The following ENOX1 variants were observed in gnomAD, a reference collection of about 807,000 sequenced individuals.
ENOX1 encodes the protein candidate growth-related and time keeping constitutive hydroquinone (NADH) oxidase.
In ENOX1, 42 loss-of-function variants were observed where a neutral mutation model predicts 82.5. The ratio of observed to expected loss-of-function variants is 0.51; its 90% confidence interval spans 0.40 to 0.66. The LOEUF (loss-of-function observed/expected upper bound fraction) is 0.66, where lower values mean the gene tolerates loss of function less well. Among genes scored for constraint, ENOX1 ranks in the 30% least tolerant of loss-of-function variants. The probability of loss-of-function intolerance (pLI) is 0.00; values close to 1 mark genes in which losing one functional copy is unlikely to be tolerated. For synonymous variants in ENOX1, 271 were observed against 282.2 expected (o/e 0.96, Z 0.40); for missense variants, 608 against 811.6 (o/e 0.75, Z 3.05).
intron 1 of ENOX1, among the ~76,000 whole-genome samples, chr13:43,761,214 A>G (rs1475845792): frequency 6.6e-6 from 1 of 152,196 alleles, no homozygotes; most frequent in African/African-American, 2.4e-5. Flanking sequence ...GTATAGAAAA[A>G]TTGAGGCAAG....
intron 1 of ENOX1, among the ~76,000 whole-genome samples, chr13:43,676,995 G>C (rs2085541394): frequency 6.7e-6 from 1 of 149,892 alleles, no homozygotes; most frequent in Non-Finnish European, 1.5e-5. Flanking sequence ...ACTCAAGTGG[G>C]TCACCCTCTG....
intron 3 of ENOX1, among the ~76,000 whole-genome samples, chr13:43,428,842 C>T (rs966868797): frequency 6.6e-6 from 1 of 152,112 alleles, no homozygotes; most frequent in Non-Finnish European, 1.5e-5. Context: ...CTGGATAAAC[C>T]AGAAAACCCA....
chr13:43,305,151 A>C (rs1175831589), intron 11 of ENOX1, among the ~76,000 whole-genome samples: 1 of 152,168 alleles, frequency 6.6e-6, no homozygotes, highest in African/African-American at 2.4e-5. Flanking sequence ...GGCCAGGCAC[A>C]GAGCTGGAAA....
intron 12 of ENOX1, among the ~76,000 whole-genome samples, chr13:43,291,443 T>G (rs2045994427): frequency 6.6e-6 from 1 of 152,212 alleles, no homozygotes; most frequent in Admixed American, 6.5e-5. Context: ...TTGTCTTCCT[T>G]TCTCACTTTC....
chr13:43,640,296 G>A (rs2083581138), intron 2 of ENOX1, among the ~76,000 whole-genome samples: 1 of 152,088 alleles, frequency 6.6e-6, no homozygotes, highest in South Asian at 2.1e-4. Flanking sequence ...TAATTCCACT[G>A]CTCCTCAATT....
chr13:43,586,458 CAA>C (rs961072409), intron 2 of ENOX1, among the ~76,000 whole-genome samples: 2 of 152,162 alleles, frequency 1.3e-5, no homozygotes, highest in African/African-American at 2.4e-5. Context: ...CTCTAACTGA[CAA>C]ACCCCTAAAT....
intron 2 of ENOX1, among the ~76,000 whole-genome samples, chr13:43,613,034 C>A (rs1038194840): frequency 3.9e-5 from 6 of 152,056 alleles, no homozygotes; most frequent in African/African-American, 1.4e-4. Context: ...TTAGCCATTT[C>A]ACATTGTATA....
chr13:43,437,082 C>A (rs998090997), intron 3 of ENOX1, among the ~76,000 whole-genome samples: 19 of 151,984 alleles, frequency 1.3e-4, no homozygotes, highest in African/African-American at 4.4e-4. Context: ...AAAAAACATA[C>A]CAAAGGGATG....
intron 1 of ENOX1, among the ~76,000 whole-genome samples, chr13:43,766,484 C>T (rs920802543): frequency 1.3e-5 from 2 of 152,196 alleles, no homozygotes; most frequent in East Asian, 1.9e-4. Context: ...ATCCTAGCCA[C>T]GCACTCAAGC....
At chr13:43,755,455 C>G (rs915172850) in intron 1 of ENOX1, among the ~76,000 whole-genome samples, 2 of 152,164 alleles carry the variant, frequency 1.3e-5, no homozygotes, top group Admixed American at 1.3e-4. Context: ...CCGTGAAGCT[C>G]TAACACCTCT....
At chr13:43,492,992 A>T (rs1330321180) in intron 2 of ENOX1, among the ~76,000 whole-genome samples, 1 of 152,216 alleles carries the variant, frequency 6.6e-6, no homozygotes, top group Non-Finnish European at 1.5e-5. Context: ...AGGTCCCCCA[A>T]GAAAGGGAAT....
chr13:43,490,455 T>C (rs1555298521), intron 2 of ENOX1, among the ~76,000 whole-genome samples: 2 of 152,254 alleles, frequency 1.3e-5, no homozygotes, highest in East Asian at 1.9e-4. Flanking sequence ...TGAGAGGACA[T>C]AAATTTGGGA....
chr13:43,464,527 T>G (rs2057634638), intron 3 of ENOX1, among the ~76,000 whole-genome samples: 2 of 152,142 alleles, frequency 1.3e-5, no homozygotes, highest in South Asian at 4.1e-4. Flanking sequence ...CCACAAGAGC[T>G]TTGCCAATAT....
At chr13:43,507,710 C>T (rs766782499) in intron 2 of ENOX1, among the ~76,000 whole-genome samples, 11 of 151,954 alleles carry the variant, frequency 7.2e-5, no homozygotes, top group Non-Finnish European at 1.6e-4. Flanking sequence ...GGCAAGATGC[C>T]TGTGTACCAG....
At chr13:43,258,729 C>T (rs1047128011) in intron 14 of ENOX1, among the ~76,000 whole-genome samples, 4 of 152,050 alleles carry the variant, frequency 2.6e-5, no homozygotes, top group East Asian at 3.9e-4. Context: ...TTCTGGAGGC[C>T]GTAAAGTTCT....
intron 8 of ENOX1, among the ~76,000 whole-genome samples, chr13:43,350,894 C>T (rs1196159695): frequency 6.6e-6 from 1 of 152,112 alleles, no homozygotes; most frequent in Non-Finnish European, 1.5e-5. Flanking sequence ...TATAAAGGAA[C>T]AATGAGGAGA....
At position 43,588,513 on chromosome 13, in the gene ENOX1, T is replaced by G. The variant is rs553518402; in HGVS notation, c.-219+78966A>C. Among the ~76,000 whole-genome samples, 14 of 152,342 alleles carry G rather than the reference T, an allele frequency of 9.2e-5. No individual in the cohort carries two copies. In the East Asian group the frequency reaches 2.1e-3, roughly 23 times the overall value. ...AAGATTAAAATACAACCCTGTAATG[T>G]GGACCAGTATGATCTCTAAAATACA... On this transcript the variant is annotated intron_variant, in intron 2 of 16. Coordinates refer to ENST00000690772, the MANE Select transcript of ENOX1 (RefSeq NM_001347969.2).
At chr13:43,757,956 C>T (rs1403481343) in intron 1 of ENOX1, among the ~76,000 whole-genome samples, 3 of 151,888 alleles carry the variant, frequency 2.0e-5, no homozygotes, top group African/African-American at 4.8e-5. Context: ...ACAGATTGGC[C>T]GGGTGCGGTG....
chr13:43,337,903 C>A lies in ENOX1; in HGVS notation c.1036+6635G>T, dbSNP rs559337736. The stretch of plus-strand genomic sequence containing the variant: ...GTAAAATGACAGGGTTTGGCCCAAC[C>A]CTTTAAGATCCCTCTTAGCTCTAAC... On this transcript the variant is annotated intron_variant, in intron 9 of 16. Transcript: ENST00000690772. Among the ~76,000 whole-genome samples the A allele has an allele frequency of 2.0e-5, 3 of 152,290 alleles. No homozygotes were observed. In the South Asian group the frequency reaches 6.2e-4, roughly 32 times the overall value.
Sources: gnomAD v4.1 joint callset for allele counts (sites outside exome capture counted in the v4.1 genomes callset) on GRCh38, gnomAD v4.1.1 for gene constraint, MANE v1.5 for transcripts, NCBI Gene and HGNC (gene_info 2026-07-23, HGNC 2026-07-21) for gene names.